The following DAB2IP variants were observed in gnomAD, a reference collection of about 807,000 sequenced individuals.
DAB2IP encodes the protein disabled homolog 2-interacting protein.
DAB2IP carries 28 observed loss-of-function variants against 107.2 expected under a neutral mutation model. The observed-to-expected ratio is 0.26, with a 90% confidence interval of 0.19 to 0.36. DAB2IP has a LOEUF of 0.36. DAB2IP is among the 10% of genes least tolerant of loss of function. DAB2IP has a pLI of 1.00. For missense variants in DAB2IP, 1,400 were observed against 1,644.7 expected (o/e 0.85, Z 2.57); for synonymous variants, 755 against 706.4 (o/e 1.07, Z -1.09).
At chr9:121,675,799 C>T (rs993593697) in intron 1 of DAB2IP, among the ~76,000 whole-genome samples, 9 of 152,152 alleles carry the variant, frequency 5.9e-5, no homozygotes, top group African/African-American at 1.9e-4. Flanking sequence ...GTGACAGCCT[C>T]CCAGAGGGAG....
intron 1 of DAB2IP, among the ~76,000 whole-genome samples, chr9:121,630,349 C>T (rs1831828224): frequency 6.6e-6 from 1 of 151,868 alleles, no homozygotes; most frequent in African/African-American, 2.4e-5. Context: ...CATGGTGAAA[C>T]CCTGTCTCTA....
intron 1 of DAB2IP, among the ~76,000 whole-genome samples, chr9:121,628,449 C>T (rs1311264135): frequency 1.3e-5 from 2 of 152,256 alleles, no homozygotes; most frequent in Non-Finnish European, 2.9e-5. Flanking sequence ...CCCTGTAGGG[C>T]ACCTGGTCCT....
intron 3 of DAB2IP, among the ~76,000 whole-genome samples, chr9:121,752,300 T>C (rs1180234712): frequency 6.7e-6 from 1 of 148,774 alleles, no homozygotes; most frequent in East Asian, 1.9e-4. Flanking sequence ...GTTTGCAGGC[T>C]GAGGGAGGGC....
At chr9:121,781,779 GCATTGTCTTT>G (rs1835675193) in intron 15 of DAB2IP, among the ~76,000 whole-genome samples, 1 of 151,726 alleles carries the variant, frequency 6.6e-6, no homozygotes, top group Non-Finnish European at 1.5e-5. Flanking sequence ...CTCTTGGCGG[GCATTGTCTTT>G]CACCAGGACT....
intron 1 of DAB2IP, among the ~76,000 whole-genome samples, chr9:121,613,614 C>T (rs189254445): frequency 3.9e-5 from 6 of 152,118 alleles, no homozygotes; most frequent in African/African-American, 1.4e-4. Context: ...GCAGCAGCCA[C>T]GTGCTTGGAA....
intron 3 of DAB2IP, among the ~76,000 whole-genome samples, chr9:121,705,272 A>C (rs888563422): frequency 6.6e-6 from 1 of 152,174 alleles, no homozygotes; most frequent in Non-Finnish European, 1.5e-5. Flanking sequence ...ATGTGTTGCA[A>C]GTGTGCACCT....
At chr9:121,608,365 A>G (rs1288898910) in intron 1 of DAB2IP, among the ~76,000 whole-genome samples, 1 of 152,172 alleles carries the variant, frequency 6.6e-6, no homozygotes, top group Non-Finnish European at 1.5e-5. Flanking sequence ...GAGAAGCCAG[A>G]TGAGAGTCAA....
At chr9:121,677,473 T>C (rs1833967077) in intron 1 of DAB2IP, among the ~76,000 whole-genome samples, 3 of 152,012 alleles carry the variant, frequency 2.0e-5, no homozygotes. Flanking sequence ...TTGAGTATGA[T>C]TGCATCACTG....
chr9:121,761,553 C>T (rs767372370), intron 6 of DAB2IP, among the ~76,000 whole-genome samples: 35 of 152,218 alleles, frequency 2.3e-4, no homozygotes, highest in Non-Finnish European at 4.0e-4. Flanking sequence ...GAGGCCATGG[C>T]TGGAAGCCTC....
At chr9:121,602,025 T>C (rs1830698784) in intron 1 of DAB2IP, among the ~76,000 whole-genome samples, 1 of 151,532 alleles carries the variant, frequency 6.6e-6, no homozygotes, top group African/African-American at 2.4e-5. Context: ...ATCTCCACTT[T>C]AAACCACCCG....
rs1831992674 is a variant in DAB2IP at position 121,634,129 on chromosome 9, G to T, written c.41-44549G>T. Among the ~76,000 whole-genome samples, 1 of 152,202 alleles carries T rather than the reference G, an allele frequency of 6.6e-6. No individual in the cohort carries two copies. The highest frequency in any genetic ancestry group is 1.5e-5 in the Non-Finnish European group (1 of 68,034). ...CAGGACACAAAGGGACACAGTTCTTGAAGGGTCCTCCAGAGACCATGCCAT... is the reference window on the plus strand; with the variant it reads ...CAGGACACAAAGGGACACAGTTCTTTAAGGGTCCTCCAGAGACCATGCCAT... On this transcript the variant is annotated intron_variant, in intron 1 of 16. Transcript: ENST00000259371. The surrounding 1 kb of genome is among the most constrained non-coding windows in gnomAD (Gnocchi z 4.7).
At chr9:121,729,393 G>A (rs1161473918) in intron 3 of DAB2IP, among the ~76,000 whole-genome samples, 1 of 152,128 alleles carries the variant, frequency 6.6e-6, no homozygotes, top group Non-Finnish European at 1.5e-5. Context: ...GAGAATTTGG[G>A]GCTGGGCAGG....
chr9:121,777,638 AGTATTC>A (rs1835298452), intron 14 of DAB2IP, among the ~76,000 whole-genome samples: 1 of 152,258 alleles, frequency 6.6e-6, no homozygotes. Flanking sequence ...ATAGTGTTCA[AGTATTC>A]CATATCCTTA....
In DAB2IP at chr9:121,583,216, G is replaced by A. The variant is rs946091051; in HGVS notation, c.40+15988G>A. 1.2e-4 allele frequency among the ~76,000 whole-genome samples: 18 copies of A among 152,246 alleles called. No homozygotes were observed. In the East Asian group the frequency reaches 2.3e-3, roughly 20 times the overall value. ...AGCCTGGCCAACATGGCGAAACCCC[G>A]TCTTTACATAAAATACAAAAAAATT... On this transcript the variant is annotated intron_variant, in intron 1 of 16. Coordinates refer to the DAB2IP transcript ENST00000259371.
chr9:121,631,433 G>A (rs908291695), intron 1 of DAB2IP, among the ~76,000 whole-genome samples: 2 of 151,988 alleles, frequency 1.3e-5, no homozygotes, highest in Non-Finnish European at 2.9e-5. Flanking sequence ...GAAGGCTGGG[G>A]CATGAGTGGT....
intron 1 of DAB2IP, among the ~76,000 whole-genome samples, chr9:121,656,848 A>G (rs1297265185): frequency 6.6e-6 from 1 of 152,224 alleles, no homozygotes; most frequent in Non-Finnish European, 1.5e-5. Flanking sequence ...CAGCTCAGAA[A>G]TGGTGGAGCC....
At chr9:121,756,866 C>G in intron 3 of DAB2IP, 147 bp from the exon 4 acceptor site, 2 of 1,114,404 alleles carry the variant, frequency 1.8e-6, no homozygotes, top group East Asian at 2.4e-5. Context: ...GCCCTGCCCC[C>G]AGATCTGTCT....
chr9:121,756,283 G>A (rs1021809463), intron 3 of DAB2IP, among the ~76,000 whole-genome samples: 3 of 152,224 alleles, frequency 2.0e-5, no homozygotes, highest in African/African-American at 7.2e-5. Flanking sequence ...GGGAGCAGCG[G>A]GCCCAGGTCT....
At chr9:121,686,879 G>A (rs565547119) in intron 2 of DAB2IP, among the ~76,000 whole-genome samples, 1 of 152,104 alleles carries the variant, frequency 6.6e-6, no homozygotes. Context: ...ATACCCTTCC[G>A]TCACGGCCCC....
Sources: gnomAD v4.1 joint callset for allele counts (sites outside exome capture counted in the v4.1 genomes callset) on GRCh38, gnomAD v4.1.1 for gene constraint, Gnocchi (gnomAD v3.1) non-coding constraint, MANE v1.5 for transcripts, NCBI Gene and HGNC (gene_info 2026-07-23, HGNC 2026-07-21) for gene names.